Variants in PAPSS2 observed in about 807,000 individuals in gnomAD.
The protein encoded by PAPSS2 is 3'-phosphoadenosine 5'-phosphosulfate synthase 2.
Under a neutral mutation model 66.5 loss-of-function variants are expected in PAPSS2, and 61 were observed. That is an observed-to-expected ratio of 0.92 (90% CI 0.75 to 1.14). The LOEUF (loss-of-function observed/expected upper bound fraction) is 1.14. PAPSS2 is among the 50% of genes most tolerant of loss of function. PAPSS2 has a pLI of 0.00. For missense variants in PAPSS2, 708 were observed against 789.6 expected, an observed-to-expected ratio of 0.90 and a Z score of 1.24; for synonymous variants, 289 against 287.5, an observed-to-expected ratio of 1.01 and a Z score of -0.05.
intron 8 of PAPSS2, among the ~76,000 whole-genome samples, chr10:87,726,437 GTAAAA>G (rs1853660715): frequency 6.6e-6 from 1 of 152,092 alleles, no homozygotes; most frequent in Non-Finnish European, 1.5e-5. Flanking sequence ...TAAAAATAAA[GTAAAA>G]TAAAATAAAT....
chr10:87,701,327 CCTTTCTTTCTTTCTTT>C (rs71019494), intron 1 of PAPSS2, among the ~76,000 whole-genome samples: 1,781 of 71,820 alleles, frequency 0.025, 58 homozygotes, highest in Non-Finnish European at 0.037. Context: ...TTCCTTCCTT[CCTTTCTTTCTTTCTTT>C]CTTTCTTTCT....
At chr10:87,726,917 A>G (rs1454412616) in intron 8 of PAPSS2, among the ~76,000 whole-genome samples, 1 of 152,178 alleles carries the variant, frequency 6.6e-6, no homozygotes, top group East Asian at 1.9e-4. Flanking sequence ...TTGTTTTGCT[A>G]GCTTAATTTT....
intron 1 of PAPSS2, among the ~76,000 whole-genome samples, chr10:87,684,185 GTT>G (rs2131907051): frequency 6.6e-6 from 1 of 152,322 alleles, no homozygotes; most frequent in East Asian, 1.9e-4. Flanking sequence ...AGCCTGTTGG[GTT>G]AATCCTGTTT....
intron 7 of PAPSS2, among the ~76,000 whole-genome samples, chr10:87,719,445 A>G (rs577897357): frequency 1.3e-5 from 2 of 152,334 alleles, no homozygotes; most frequent in East Asian, 1.9e-4. Context: ...GCTATTATGA[A>G]CAAACCACTC....
chr10:87,695,630 A>C (rs940989679), intron 1 of PAPSS2, among the ~76,000 whole-genome samples: 3 of 152,216 alleles, frequency 2.0e-5, no homozygotes, highest in African/African-American at 7.2e-5. Context: ...CAAGACATGA[A>C]GGGTCTAAGT....
At position 87,721,788 on chromosome 10, in the gene PAPSS2, C is replaced by A; in HGVS notation, c.880+18C>A. On this transcript the variant is annotated intron_variant, in intron 8 of 12. Transcript: ENST00000456849. Reference sequence around the variant, plus strand: ...CCTTCCTGGTATGTACTTTAACTTTCCAAGTAGCTAAATTATTATAATTAT... The same window carrying A: ...CCTTCCTGGTATGTACTTTAACTTTACAAGTAGCTAAATTATTATAATTAT... 4 of 1,385,680 alleles carry A rather than the reference C, an allele frequency of 2.9e-6. No homozygotes were observed. The highest frequency in any genetic ancestry group is 4.0e-6 in the Non-Finnish European group (4 of 1,006,176). 85.8% of individuals were successfully genotyped at this position (1,385,680 alleles called of 1,614,324 possible). A position where few individuals can be genotyped will look rare whatever the true frequency, so the allele number is the denominator to read the frequency against.
intron 1 of PAPSS2, among the ~76,000 whole-genome samples, chr10:87,701,321 TTCCTTC>T (rs1564716635): frequency 6.3e-4 from 57 of 91,170 alleles, no homozygotes; most frequent in African/African-American, 2.3e-3. Flanking sequence ...CCTTCCTTCC[TTCCTTC>T]CTTTCTTTCT....
At chr10:87,725,418 A>G (rs1023155257) in intron 8 of PAPSS2, among the ~76,000 whole-genome samples, 5 of 152,208 alleles carry the variant, frequency 3.3e-5, no homozygotes, top group South Asian at 2.1e-4. Context: ...TTAAAGCAAG[A>G]GACTCAGCAT....
At chr10:87,713,011 G>T (rs189574174) in intron 2 of PAPSS2, 64 bp from the exon 3 acceptor site, 102 of 839,198 alleles carry the variant, frequency 1.2e-4, no homozygotes, top group African/African-American at 1.1e-3. Context: ...TACTAGATTA[G>T]TTCACAATTT....
intron 1 of PAPSS2, among the ~76,000 whole-genome samples, chr10:87,702,623 G>A (rs1853332135): frequency 1.3e-5 from 2 of 152,242 alleles, no homozygotes; most frequent in African/African-American, 4.8e-5. Context: ...ACAGGGCGGA[G>A]TGGAGTTGTA....
rs137859748 is a variant in PAPSS2, at chr10:87,688,535, C to T, written c.28-20661C>T. Among the ~76,000 whole-genome samples, 342 of 151,804 alleles carry T rather than the reference C, an allele frequency of 2.3e-3. 2 individuals are homozygous for T. The highest frequency in any genetic ancestry group is 7.9e-3 in the African/African-American group (325 of 41,320). ...AGTGCAGTGGTGGGATCTCTGCTCACCTCAAGCTCCGCCCCCCGGGTTCAT... is the reference window on the plus strand; with the variant it reads ...AGTGCAGTGGTGGGATCTCTGCTCATCTCAAGCTCCGCCCCCCGGGTTCAT... On this transcript the variant is annotated intron_variant, in intron 1 of 12. Coordinates refer to ENST00000456849, the MANE Select transcript of PAPSS2 (RefSeq NM_001015880.2).
intron 1 of PAPSS2, among the ~76,000 whole-genome samples, chr10:87,683,081 C>G (rs1483220261): frequency 7.0e-6 from 1 of 143,826 alleles, no homozygotes; most frequent in Non-Finnish European, 1.5e-5. Context: ...TTTTCTTTTC[C>G]TTTTTCTTTT....
chr10:87,678,494 C>T (rs116578768), intron 1 of PAPSS2, among the ~76,000 whole-genome samples: 2,441 of 152,200 alleles, frequency 0.016, 64 homozygotes, highest in African/African-American at 0.056. Flanking sequence ...AAACAATCAA[C>T]AGCATGAAGA....
At chr10:87,713,425 T>C in intron 3 of PAPSS2, 115 bp downstream of exon 3, 1 of 676,004 alleles carries the variant, frequency 1.5e-6, no homozygotes, top group Non-Finnish European at 2.6e-6. Flanking sequence ...ATGTCTCCTT[T>C]CAATTTCCCG....
chr10:87,747,346 G>A lies in PAPSS2; in HGVS notation c.*1376G>A, dbSNP rs1041140906. 1 of 152,092 alleles carries A rather than the reference G, an allele frequency of 6.6e-6. No individual in the cohort carries two copies. Among genetic ancestry groups the A allele is most frequent in the Non-Finnish European group, 1.5e-5 (1 of 68,004 alleles). 9.4% of individuals were successfully genotyped at this position (152,092 alleles called of 1,614,324 possible). The stretch of plus-strand genomic sequence containing the variant: ...TTAATATATAGGTCTCTCTGGAAGA[G>A]ACCTAAATTAGAAAGAGAAAACTGT... On this transcript the variant is annotated 3_prime_UTR_variant, in exon 13 of 13. Coordinates refer to ENST00000456849, the MANE Select transcript of PAPSS2 (RefSeq NM_001015880.2).
intron 9 of PAPSS2, among the ~76,000 whole-genome samples, chr10:87,732,644 TG>T (rs1224770246): frequency 5.3e-5 from 8 of 152,350 alleles, no homozygotes; most frequent in African/African-American, 1.7e-4. Flanking sequence ...AAAAAATTTG[TG>T]TGACTCCGTT....
chr10:87,677,795 C>T (rs893575700), intron 1 of PAPSS2, among the ~76,000 whole-genome samples: 9 of 152,108 alleles, frequency 5.9e-5, no homozygotes, highest in Non-Finnish European at 1.0e-4. Context: ...TACATGCATG[C>T]GTGTGGAATG....
intron 8 of PAPSS2, among the ~76,000 whole-genome samples, chr10:87,724,740 A>G (rs1412316808): frequency 6.7e-6 from 1 of 148,654 alleles, no homozygotes; most frequent in Non-Finnish European, 1.5e-5. Context: ...TAGATATTAT[A>G]TCTGAATTAT....
intron 4 of PAPSS2, 50 bp from the exon 5 acceptor site, chr10:87,714,695 G>C (rs77702035): frequency 1.9e-6 from 2 of 1,064,422 alleles, no homozygotes; most frequent in African/African-American, 3.1e-5. Flanking sequence ...TGATTAAAAA[G>C]ATTATTCTGT....
Sources: gnomAD v4.1 joint callset for allele counts (sites outside exome capture counted in the v4.1 genomes callset) on GRCh38, gnomAD v4.1.1 for gene constraint, MANE v1.5 for transcripts, NCBI Gene and HGNC (gene_info 2026-07-23, HGNC 2026-07-21) for gene names.